IMMP2L: variants seen among roughly 807,000 people sequenced by gnomAD.
IMMP2L encodes the protein mitochondrial inner membrane protease subunit 2.
IMMP2L carries 18 observed loss-of-function variants against 19.3 expected under a neutral mutation model. The ratio of observed to expected loss-of-function variants is 0.93; its 90% CI spans 0.64 to 1.38. IMMP2L has a LOEUF of 1.38. Ranked by LOEUF, IMMP2L falls within the 40% of genes most tolerant of loss-of-function variation. The probability of loss-of-function intolerance (pLI) is 0.00; values close to 1 mark genes in which losing one functional copy is unlikely to be tolerated. For missense variants in IMMP2L, 233 were observed against 218.2 expected, an observed-to-expected ratio of 1.07 and a Z score of -0.43; for synonymous variants, 76 against 73.0, an observed-to-expected ratio of 1.04 and a Z score of -0.21.
intron 3 of IMMP2L, among the ~76,000 whole-genome samples, chr7:111,351,086 A>G (rs560626995): frequency 2.6e-5 from 4 of 152,304 alleles, no homozygotes; most frequent in African/African-American, 9.6e-5. Context: ...TACTTAATAC[A>G]TTTTTTGCTC....
intron 4 of IMMP2L, among the ~76,000 whole-genome samples, chr7:110,894,804 G>C (rs959120092): frequency 1.3e-5 from 2 of 151,866 alleles, no homozygotes; most frequent in African/African-American, 4.8e-5. Context: ...TTTCTCCTGT[G>C]TTTTCTTCGT....
At chr7:111,071,582 C>T (rs1243762895) in intron 3 of IMMP2L, among the ~76,000 whole-genome samples, 2 of 152,104 alleles carry the variant, frequency 1.3e-5, no homozygotes, top group African/African-American at 4.8e-5. Flanking sequence ...ATTCATGCTA[C>T]AATGTGGATG....
intron 2 of IMMP2L, among the ~76,000 whole-genome samples, chr7:111,509,107 G>A (rs1216285687): frequency 6.6e-6 from 1 of 152,100 alleles, no homozygotes; most frequent in Non-Finnish European, 1.5e-5. Flanking sequence ...ACCATGTCTA[G>A]CAAATCCCCC....
At chr7:111,230,549 A>T (rs755757458) in intron 3 of IMMP2L, among the ~76,000 whole-genome samples, 31 of 152,118 alleles carry the variant, frequency 2.0e-4, no homozygotes, top group Admixed American at 3.3e-4. Flanking sequence ...GAAAGAAAAT[A>T]AACATGGGAA....
chr7:111,359,247 A>G (rs900106606), intron 3 of IMMP2L, among the ~76,000 whole-genome samples: 3 of 152,086 alleles, frequency 2.0e-5, no homozygotes, highest in African/African-American at 7.2e-5. Context: ...ATGAAAACAA[A>G]AGCTAGGGCC....
intron 3 of IMMP2L, among the ~76,000 whole-genome samples, chr7:111,272,983 G>A (rs1324717356): frequency 6.6e-6 from 1 of 152,082 alleles, no homozygotes; most frequent in African/African-American, 2.4e-5. Flanking sequence ...GAAACACCTA[G>A]ATCAAAGTCC....
In IMMP2L at chr7:111,556,035, T is replaced by TATATATATATATATATATATATATACAC. The variant is rs1554550178; in HGVS notation, c.-3+5815_-3+5816insGTGTATATATATATATATATATATATAT. Among the ~76,000 whole-genome samples, 22 of 135,722 alleles carry TATATATATATATATATATATATATACAC rather than the reference T, an allele frequency of 1.6e-4. 1 individual carries two copies. The highest frequency in any genetic ancestry group is 6.0e-4 in the African/African-American group (22 of 36,418). 89.0% of individuals were successfully genotyped at this position (135,722 alleles called of 152,430 possible). On this transcript the variant is annotated intron_variant, in intron 1 of 5. Coordinates refer to ENST00000405709, the MANE Select transcript of IMMP2L (RefSeq NM_032549.4). ...GTGTGCATGTATATATATATATATATACATACCCAAAGAAAATGAAACCGC... is the reference window on the plus strand; with the variant it reads ...GTGTGCATGTATATATATATATATATATATATATATATATATATATATATACACACATACCCAAAGAAAATGAAACCGC...
At chr7:111,047,646 A>C (rs1266687562) in intron 3 of IMMP2L, among the ~76,000 whole-genome samples, 1 of 152,110 alleles carries the variant, frequency 6.6e-6, no homozygotes, top group Non-Finnish European at 1.5e-5. Context: ...ACTGTATGCT[A>C]ATATCTAATT....
intron 5 of IMMP2L, among the ~76,000 whole-genome samples, chr7:110,875,055 GTTACAA>G (rs1417388629): frequency 6.6e-6 from 1 of 152,034 alleles, no homozygotes; most frequent in African/African-American, 2.4e-5. Flanking sequence ...TGGTAATACT[GTTACAA>G]TGGCACTTAA....
At chr7:111,229,588 G>C (rs1170533833) in intron 3 of IMMP2L, among the ~76,000 whole-genome samples, 1 of 151,972 alleles carries the variant, frequency 6.6e-6, no homozygotes, top group East Asian at 1.9e-4. Context: ...TGATTGTGTG[G>C]TTTAAGTGAT....
intron 2 of IMMP2L, among the ~76,000 whole-genome samples, chr7:111,495,519 TACAA>T (rs1482352603): frequency 6.6e-6 from 1 of 152,188 alleles, no homozygotes; most frequent in Non-Finnish European, 1.5e-5. Context: ...TTATTTGTCC[TACAA>T]ACAAATATTA....
chr7:111,417,304 A>G (rs1208873686), intron 3 of IMMP2L, among the ~76,000 whole-genome samples: 1 of 151,742 alleles, frequency 6.6e-6, no homozygotes, highest in East Asian at 1.9e-4. Context: ...TTCTCCACCA[A>G]TCTCCTGTTG....
intron 3 of IMMP2L, among the ~76,000 whole-genome samples, chr7:111,000,887 C>G (rs1823604195): frequency 6.6e-6 from 1 of 151,244 alleles, no homozygotes; most frequent in Non-Finnish European, 1.5e-5. Context: ...CTATGGTAGG[C>G]CGAAAATATG....
intron 5 of IMMP2L, among the ~76,000 whole-genome samples, chr7:110,684,573 T>C (rs1465627398): frequency 6.6e-6 from 1 of 151,952 alleles, no homozygotes; most frequent in East Asian, 1.9e-4. Context: ...GCAGATGAGG[T>C]TGACTGTTAA....
At chr7:110,978,969 ATTC>A (rs1820975262) in intron 3 of IMMP2L, among the ~76,000 whole-genome samples, 2 of 152,162 alleles carry the variant, frequency 1.3e-5, no homozygotes, top group South Asian at 4.1e-4. Context: ...CTTTTTAGTA[ATTC>A]TTATTAGAAA....
chr7:111,413,889 G>T (rs1232115224), intron 3 of IMMP2L, among the ~76,000 whole-genome samples: 1 of 151,684 alleles, frequency 6.6e-6, no homozygotes, highest in Admixed American at 6.6e-5. Flanking sequence ...GATATGCTTT[G>T]TTCTCCTGTT....
chr7:110,715,158 CTT>C (rs1313406793), intron 5 of IMMP2L, among the ~76,000 whole-genome samples: 1 of 152,056 alleles, frequency 6.6e-6, no homozygotes, highest in Non-Finnish European at 1.5e-5. Context: ...GATCTTCTCT[CTT>C]TTTTTCTTTG....
chr7:111,144,442 G>T (rs1357620060), intron 3 of IMMP2L, among the ~76,000 whole-genome samples: 4 of 152,096 alleles, frequency 2.6e-5, no homozygotes, highest in Non-Finnish European at 4.4e-5. Context: ...GTTTAAGGGA[G>T]AAATTATACC....
At chr7:111,280,974 G>A (rs1819632978) in intron 3 of IMMP2L, among the ~76,000 whole-genome samples, 1 of 151,872 alleles carries the variant, frequency 6.6e-6, no homozygotes, top group African/African-American at 2.4e-5. Context: ...GGAGGCTGAG[G>A]TAGGAGAATG....
Sources: gnomAD v4.1 joint callset for allele counts (sites outside exome capture counted in the v4.1 genomes callset) on GRCh38, gnomAD v4.1.1 for gene constraint, MANE v1.5 for transcripts, NCBI Gene and HGNC (gene_info 2026-07-23, HGNC 2026-07-21) for gene names.